IPO11: variants seen among roughly 807,000 people sequenced by gnomAD.
IPO11 encodes the protein importin 11, also known as importin-11.
Under a neutral mutation model 143.2 loss-of-function variants are expected in IPO11, and 66 were observed. That is an observed-to-expected ratio of 0.46 (90% CI 0.38 to 0.57). The LOEUF is 0.57. Among genes scored for constraint, IPO11 ranks in the 20% least tolerant of loss-of-function variants. IPO11 has a pLI of 0.00. For missense variants in IPO11, 1,026 were observed against 1,141.0 expected (o/e 0.90, Z 1.45); for synonymous variants, 385 against 377.8 (o/e 1.02, Z -0.22).
chr5:62,430,088 A>G (rs1348707435), intron 1 of IPO11, among the ~76,000 whole-genome samples: 6 of 152,124 alleles, frequency 3.9e-5, no homozygotes, highest in Admixed American at 3.3e-4. Flanking sequence ...CATTCATCAC[A>G]TGATGGATAT....
In IPO11 at chr5:62,416,428, C is replaced by T. The variant is rs541606026; in HGVS notation, c.-7+3499C>T. 3.0e-4 allele frequency among the ~76,000 whole-genome samples: 46 copies of T among 151,862 alleles called. 1 individual carries two copies. In the South Asian group the frequency reaches 7.1e-3, roughly 23 times the overall value. On this transcript the variant is annotated intron_variant, in intron 1 of 29. Transcript: ENST00000325324. The stretch of plus-strand genomic sequence containing the variant: ...AACTCCTGACCTCAGGTGATCTGCC[C>T]GCCTCAGCCTCCCAAAGTGCTGGGA...
chr5:62,505,261 TA>T (rs1437990243), intron 18 of IPO11, among the ~76,000 whole-genome samples: 1 of 152,128 alleles, frequency 6.6e-6, no homozygotes, highest in African/African-American at 2.4e-5. Flanking sequence ...TGTATATCTT[TA>T]TCCTGTCCTA....
chr5:62,559,331 C>T (rs1393474718), intron 26 of IPO11, among the ~76,000 whole-genome samples: 6 of 151,004 alleles, frequency 4.0e-5, no homozygotes, highest in African/African-American at 7.3e-5. Context: ...AAGTTGCAGG[C>T]GAAGGATAAT....
intron 19 of IPO11, among the ~76,000 whole-genome samples, chr5:62,510,933 A>C (rs1320070513): frequency 6.6e-6 from 1 of 152,092 alleles, no homozygotes; most frequent in Non-Finnish European, 1.5e-5. Context: ...GGGTTTCACC[A>C]TGTTGGCCAG....
At chr5:62,575,543 CCT>C (rs773408530) in intron 27 of IPO11, among the ~76,000 whole-genome samples, 1 of 152,040 alleles carries the variant, frequency 6.6e-6, no homozygotes, top group Admixed American at 6.6e-5. Flanking sequence ...TTTCCAATTG[CCT>C]CTCTGTTTTT....
intron 27 of IPO11, among the ~76,000 whole-genome samples, chr5:62,586,761 AAAAAAAAATATATATATATATATATAT>A (rs1468090418): frequency 6.1e-5 from 6 of 98,934 alleles, no homozygotes; most frequent in Non-Finnish European, 1.0e-4. Context: ...CCAAAAAAAA[AAAAAAAAATATATATATATATATATAT>A]ATATATATAT....
intron 28 of IPO11, among the ~76,000 whole-genome samples, chr5:62,598,830 C>T (rs1745391916): frequency 6.6e-6 from 1 of 151,672 alleles, no homozygotes; most frequent in Non-Finnish European, 1.5e-5. Context: ...CAGGTGTGAC[C>T]CACCGCACCT....
intron 20 of IPO11, among the ~76,000 whole-genome samples, chr5:62,524,399 A>G (rs754973843): frequency 9.9e-5 from 15 of 152,200 alleles, no homozygotes; most frequent in Non-Finnish European, 2.2e-4. Flanking sequence ...TAATGCTAGC[A>G]TATTTTGAAT....
intron 1 of IPO11, chr5:62,419,155 T>G: frequency 6.5e-7 from 1 of 1,543,522 alleles, no homozygotes; most frequent in Non-Finnish European, 8.7e-7. Context: ...TAAACATGTC[T>G]AAACTTAGAA....
intron 27 of IPO11, among the ~76,000 whole-genome samples, chr5:62,589,029 T>A (rs921302698): frequency 6.6e-5 from 10 of 152,170 alleles, no homozygotes; most frequent in Admixed American, 6.5e-4. Flanking sequence ...AGTGTGTACA[T>A]CTGTGTCCTG....
At chr5:62,458,772 T>C (rs1040943132) in intron 5 of IPO11, among the ~76,000 whole-genome samples, 5 of 152,264 alleles carry the variant, frequency 3.3e-5, no homozygotes, top group Admixed American at 6.5e-5. Flanking sequence ...AGACTCAAGG[T>C]GACAGACTTG....
At chr5:62,537,861 G>A (rs1471817683) in intron 24 of IPO11, among the ~76,000 whole-genome samples, 1 of 151,856 alleles carries the variant, frequency 6.6e-6, no homozygotes, top group Non-Finnish European at 1.5e-5. Flanking sequence ...AAACATAAAT[G>A]TATGTAGAAA....
At chr5:62,545,196 C>G (rs909643293) in intron 24 of IPO11, among the ~76,000 whole-genome samples, 1 of 152,204 alleles carries the variant, frequency 6.6e-6, no homozygotes, top group Non-Finnish European at 1.5e-5. Flanking sequence ...TGACTTCAAA[C>G]TATACTACAA....
chr5:62,603,610 AC>A (rs1745589192), intron 29 of IPO11, among the ~76,000 whole-genome samples: 1 of 152,346 alleles, frequency 6.6e-6, no homozygotes, highest in African/African-American at 2.4e-5. Flanking sequence ...GCACACACTT[AC>A]ACTCAGATGG....
At chr5:62,449,558 T>G (rs1252004987) in intron 3 of IPO11, among the ~76,000 whole-genome samples, 1 of 151,954 alleles carries the variant, frequency 6.6e-6, no homozygotes, top group African/African-American at 2.4e-5. Context: ...TCAATAAAAG[T>G]GAACATCAAA....
rs923448152 is a variant in IPO11 at position 62,530,602 on chromosome 5, C to T, written c.2013-107C>T. On this transcript the variant is annotated intron_variant, in intron 21 of 29. Transcript: ENST00000325324. Reference sequence around the variant, plus strand: ...AATTTTTATAACTTAACTGATTATACACTTACCTTTCTTCATTTAAATGAG... The same window carrying T: ...AATTTTTATAACTTAACTGATTATATACTTACCTTTCTTCATTTAAATGAG... The T allele has an allele frequency of 1.7e-5, 11 of 654,302 alleles. No homozygotes were observed. In the Admixed American group the frequency reaches 2.4e-4, roughly 14 times the overall value. The allele number at this position is 654,302 out of a possible 1,614,324, so 40.5% of individuals were successfully genotyped here.
intron 7 of IPO11, among the ~76,000 whole-genome samples, chr5:62,474,107 A>G (rs1198499556): frequency 6.6e-6 from 1 of 152,218 alleles, no homozygotes; most frequent in Non-Finnish European, 1.5e-5. Context: ...CTGTGAAGAA[A>G]AATTAAAGCA....
chr5:62,474,380 A>G, intron 7 of IPO11, 36 bp from the exon 8 acceptor site: 1 of 1,269,166 alleles, frequency 7.9e-7, no homozygotes, highest in Non-Finnish European at 1.1e-6. Flanking sequence ...GTTTATAACA[A>G]TAAATTGAGA....
At chr5:62,581,345 T>G in intron 27 of IPO11, 1 of 1,425,876 alleles carries the variant, frequency 7.0e-7, no homozygotes, top group Non-Finnish European at 9.2e-7. Context: ...TTCAGTGCCA[T>G]GGACATGATT....
Sources: gnomAD v4.1 joint callset for allele counts (sites outside exome capture counted in the v4.1 genomes callset) on GRCh38, gnomAD v4.1.1 for gene constraint, MANE v1.5 for transcripts, NCBI Gene and HGNC (gene_info 2026-07-23, HGNC 2026-07-21) for gene names.